The following HEG1 variants were observed in gnomAD, a reference collection of about 807,000 sequenced individuals.
The protein encoded by HEG1 is protein HEG homolog 1.
In HEG1, 56 loss-of-function variants were observed where a neutral mutation model predicts 125.6. The observed-to-expected ratio is 0.45, with a 90% CI of 0.36 to 0.56. The LOEUF (loss-of-function observed/expected upper bound fraction) is 0.56. HEG1 is among the 20% of genes least tolerant of loss of function. The pLI is 0.00. For synonymous variants in HEG1, 644 were observed against 668.5 expected, an observed-to-expected ratio of 0.96 and a Z score of 0.57; for missense variants, 1,523 against 1,670.0, an observed-to-expected ratio of 0.91 and a Z score of 1.53.
At chr3:125,039,835 C>CAAAAAAAAAAAAAAAAAAAACAAA in intron 1 of HEG1, among the ~76,000 whole-genome samples, 1 of 132,402 alleles carries the variant, frequency 7.6e-6, no homozygotes, top group Non-Finnish European at 1.6e-5. Context: ...AGAACAGAGC[C>CAAAAAAAAAAAAAAAAAAAACAAA]AAAAAAAAAA....
chr3:125,039,418 G>C (rs1397859394), intron 1 of HEG1, among the ~76,000 whole-genome samples: 2 of 152,072 alleles, frequency 1.3e-5, no homozygotes, highest in Non-Finnish European at 2.9e-5. Context: ...GGAGTGTGCT[G>C]TCTTATCCAA....
At chr3:125,044,268 C>A (rs1017707616) in intron 1 of HEG1, among the ~76,000 whole-genome samples, 1 of 152,060 alleles carries the variant, frequency 6.6e-6, no homozygotes, top group Non-Finnish European at 1.5e-5. Flanking sequence ...ACATTCTATT[C>A]AAATATAACC....
intron 3 of HEG1, among the ~76,000 whole-genome samples, chr3:125,023,882 C>G (rs772887855): frequency 1.3e-5 from 2 of 152,208 alleles, no homozygotes; most frequent in Non-Finnish European, 2.9e-5. Flanking sequence ...TCAATCACAG[C>G]ACAAAACACT....
chr3:124,968,190 T>C lies in HEG1; in HGVS notation c.*2462A>G, dbSNP rs113935132. The C allele has an allele frequency of 1.3e-5, 2 of 152,568 alleles. No individual in the cohort carries two copies. Among genetic ancestry groups the C allele is most frequent in the Admixed American group, 1.3e-4 (2 of 15,306 alleles). 9.5% of individuals were successfully genotyped at this position (152,568 alleles called of 1,614,324 possible). A position where few individuals can be genotyped will look rare whatever the true frequency, so the allele number is the denominator to read the frequency against. ...CGTGCCAGGTGTGCATCCAGGCCTC[T>C]TCTGCTATCAGGTGTTTCCCCTCGG... On this transcript the variant is annotated 3_prime_UTR_variant, in exon 17 of 17. Transcript: ENST00000311127.
intron 6 of HEG1, among the ~76,000 whole-genome samples, chr3:125,011,853 T>G (rs1485437093): frequency 6.6e-6 from 1 of 152,224 alleles, no homozygotes; most frequent in African/African-American, 2.4e-5. Context: ...GAACATGACA[T>G]GAAAAGCTGC....
chr3:124,977,473 CTTAT>C (rs1290947211), intron 15 of HEG1, among the ~76,000 whole-genome samples: 4 of 152,134 alleles, frequency 2.6e-5, no homozygotes. Context: ...ATACAAGTCC[CTTAT>C]TAGACACATA....
In HEG1 at chr3:125,029,248, A is replaced by G. The variant is rs1937460696; in HGVS notation, c.557T>C (p.Val186Ala). The G allele has an allele frequency of 6.2e-7, 1 of 1,613,420 alleles. No homozygotes were observed. Among genetic ancestry groups the G allele is most frequent in the Non-Finnish European group, 8.5e-7 (1 of 1,179,746 alleles). Reference protein sequence around the residue: ...SSRTNFTILPVGYSLEIATAL... With the variant: ...SSRTNFTILPAGYSLEIATAL... Reference sequence around the variant, plus strand: ...TGTTGCTATCTCCAGTGAGTACCCAACAGGCAAAATGGTGAAGTTTGTTCT... The same window carrying G: ...TGTTGCTATCTCCAGTGAGTACCCAGCAGGCAAAATGGTGAAGTTTGTTCT... Residue 186 changes from valine to alanine, a missense_variant, in exon 2 of 17, where the codon GTT becomes GCT. Transcript: ENST00000311127.
chr3:125,050,581 C>T lies in HEG1; in HGVS notation c.316+4994G>A, dbSNP rs545439620. The stretch of plus-strand genomic sequence containing the variant: ...TCTGCATGCAGCAGCCCATTTCCAC[C>T]CTCACCATTCCTTTGGTCAGTATGA... On this transcript the variant is annotated intron_variant, in intron 1 of 16. Transcript: ENST00000311127. 3.3e-5 allele frequency among the ~76,000 whole-genome samples: 5 copies of T among 152,336 alleles called. No individual in the cohort carries two copies. The East Asian group carries it at 5.8e-4, about 18-fold the overall frequency.
At chr3:124,994,900 T>G (rs1936893275) in intron 12 of HEG1, among the ~76,000 whole-genome samples, 1 of 152,224 alleles carries the variant, frequency 6.6e-6, no homozygotes. Flanking sequence ...TATCATCCAC[T>G]CGTTCATTCA....
chr3:125,046,132 C>A lies in HEG1; in HGVS notation c.316+9443G>T, dbSNP rs185320364. ...AAGGGGTTAAGCACAGTTCCTCCAA[C>A]CCCCGCCAGAGCTCCACGGCATCTC... On this transcript the variant is annotated intron_variant, in intron 1 of 16. Transcript: ENST00000311127. 5.7e-4 allele frequency among the ~76,000 whole-genome samples: 86 copies of A among 152,170 alleles called. 2 individuals are homozygous for A. In the Middle Eastern group the frequency reaches 0.027, roughly 48 times the overall value.
chr3:125,029,243 A>T lies in HEG1; in HGVS notation c.562T>A (p.Tyr188Asn). The change falls in exon 2 of 17, where the codon TAC becomes AAC. Residue 188 changes from tyrosine (Y) to asparagine (N), a missense_variant. Physicochemically the swap from Tyr to Asn is moderately radical, Grantham distance 143 (BLOSUM62 -2). Transcript: ENST00000311127. ...AGAGCTGTTGCTATCTCCAGTGAGT[A>T]CCCAACAGGCAAAATGGTGAAGTTT... ...RTNFTILPVG[Y>N]SLEIATALTS... 1 of 1,613,424 alleles carries T rather than the reference A, an allele frequency of 6.2e-7. No individual in the cohort carries two copies. The highest frequency in any genetic ancestry group is 8.5e-7 in the Non-Finnish European group (1 of 1,179,712).
chr3:125,019,388 A>C lies in HEG1; in HGVS notation c.1462T>G (p.Phe488Val), dbSNP rs761147988. 6.2e-7 allele frequency: 1 copy of C among 1,614,044 alleles called. No individual in the cohort carries two copies. The highest frequency in any genetic ancestry group is 1.1e-5 in the South Asian group (1 of 91,084). Residue 488 changes from phenylalanine to valine, a missense_variant, in exon 5 of 17, where the codon TTC (phenylalanine) becomes GTC (valine). By Grantham distance (50) the Phe-to-Val change is conservative. Coordinates refer to ENST00000311127, the MANE Select transcript of HEG1 (RefSeq NM_020733.2). The stretch of plus-strand genomic sequence containing the variant: ...CCAGACTGTACAGTAGAGTCTGAGA[A>C]CTGGGTCAACACTGAAGCATTCACA... ...EGVNASVLTQFSDSTVQSGGS... is the reference protein window; with the variant it reads ...EGVNASVLTQVSDSTVQSGGS...
chr3:125,034,349 T>C (rs73189213), intron 1 of HEG1, among the ~76,000 whole-genome samples: 77,212 of 151,946 alleles, frequency 0.51, 19,835 homozygotes, highest in Middle Eastern at 0.64. Flanking sequence ...TATACAAAAT[T>C]ACATTAGAAA....
chr3:125,004,922 T>C (rs1375338698), intron 9 of HEG1, among the ~76,000 whole-genome samples: 1 of 152,192 alleles, frequency 6.6e-6, no homozygotes, highest in Non-Finnish European at 1.5e-5. Flanking sequence ...TAACAGCAGA[T>C]GGGACCGTAA....
intron 1 of HEG1, among the ~76,000 whole-genome samples, chr3:125,045,305 C>A (rs151046290): frequency 6.6e-6 from 1 of 152,214 alleles, no homozygotes; most frequent in East Asian, 1.9e-4. Context: ...TCCTTCCCCT[C>A]GGCCTCCTGG....
chr3:124,988,035 T>C (rs1298438793), intron 14 of HEG1, among the ~76,000 whole-genome samples: 2 of 150,522 alleles, frequency 1.3e-5, no homozygotes, highest in Non-Finnish European at 3.0e-5. Context: ...TAAATTTCTG[T>C]CTGATTATTC....
chr3:124,966,758 T>C lies in HEG1; in HGVS notation c.*3894A>G, dbSNP rs1268922778. On this transcript the variant is annotated 3_prime_UTR_variant, in exon 17 of 17. Transcript: ENST00000311127. ...TAGGCTAAACTTAGCCAAGGGCAAC[T>C]GGAGTGGACAGCTCCTCTTCCTCAG... The C allele has an allele frequency of 1.3e-5, 2 of 152,250 alleles. No homozygotes were observed. The highest frequency in any genetic ancestry group is 2.9e-5 in the Non-Finnish European group (2 of 68,050). The allele number at this position is 152,250 out of a possible 1,614,324, so 9.4% of individuals were successfully genotyped here.
chr3:125,044,562 T>TA (rs1378189858), intron 1 of HEG1, among the ~76,000 whole-genome samples: 4 of 152,212 alleles, frequency 2.6e-5, no homozygotes, highest in African/African-American at 9.7e-5. Context: ...CTCCCGTTAT[T>TA]ATCCCTACTT....
intron 1 of HEG1, among the ~76,000 whole-genome samples, chr3:125,039,104 C>T (rs1051898432): frequency 6.6e-6 from 1 of 152,184 alleles, no homozygotes; most frequent in African/African-American, 2.4e-5. Context: ...GCCCCCTGTG[C>T]TGGGCCATAA....
Sources: gnomAD v4.1 joint callset for allele counts (sites outside exome capture counted in the v4.1 genomes callset) on GRCh38, gnomAD v4.1.1 for gene constraint, MANE v1.5 for transcripts, NCBI Gene and HGNC (gene_info 2026-07-23, HGNC 2026-07-21) for gene names.